Variants in CDC14A observed in about 807,000 individuals in gnomAD.
The protein encoded by CDC14A is dual specificity protein phosphatase CDC14A.
In CDC14A, 53 loss-of-function variants were observed where a neutral mutation model predicts 74.4. The ratio of observed to expected loss-of-function variants is 0.71; its 90% CI spans 0.57 to 0.89. The LOEUF (loss-of-function observed/expected upper bound fraction) is 0.89. Among genes scored for constraint, CDC14A ranks in the 40% least tolerant of loss-of-function variants. The pLI is 0.00. For synonymous variants in CDC14A, 247 were observed against 258.4 expected (o/e 0.96, Z 0.43); for missense variants, 646 against 713.7 (o/e 0.91, Z 1.08).
At chr1:100,493,847 G>A (rs1647369643) in intron 11 of CDC14A, among the ~76,000 whole-genome samples, 1 of 152,140 alleles carries the variant, frequency 6.6e-6, no homozygotes, top group Admixed American at 6.6e-5. Flanking sequence ...GGATTGAGGA[G>A]GTATTGCGAT....
upstream of CDC14A, among the ~76,000 whole-genome samples, chr1:100,351,470 GTTGT>G (rs1309734577): frequency 6.6e-6 from 1 of 152,254 alleles, no homozygotes; most frequent in Admixed American, 6.5e-5. Flanking sequence ...CAGCGTTCAA[GTTGT>G]TCAAACAGTA....
intron 7 of CDC14A, among the ~76,000 whole-genome samples, chr1:100,450,966 C>T (rs1280588684): frequency 6.6e-6 from 1 of 152,152 alleles, no homozygotes; most frequent in Non-Finnish European, 1.5e-5. Flanking sequence ...CTCTAATTCG[C>T]ATTCCTTCCC....
rs947695191 is a variant in CDC14A at position 100,386,982 on chromosome 1, G to A, written c.217-3750G>A. ...ATAGTATTTTTTAAGTGGGGGACAT[G>A]CTTAAAATTTGAGAGGAAAAAACAT... On this transcript the variant is annotated intron_variant, in intron 3 of 15. Coordinates refer to ENST00000336454, the MANE Select transcript of CDC14A (RefSeq NM_003672.4). Among the ~76,000 whole-genome samples the A allele has an allele frequency of 3.3e-5, 5 of 151,792 alleles. No homozygotes were observed. The South Asian group carries it at 1.0e-3, about 32-fold the overall frequency.
At chr1:100,495,456 A>G (rs1286028524) in intron 12 of CDC14A, among the ~76,000 whole-genome samples, 1 of 152,210 alleles carries the variant, frequency 6.6e-6, no homozygotes, top group Non-Finnish European at 1.5e-5. Flanking sequence ...ATGGGACTTG[A>G]CTTCTGATCA....
chr1:100,448,413 C>T (rs1001528363), intron 7 of CDC14A, among the ~76,000 whole-genome samples: 2 of 152,324 alleles, frequency 1.3e-5, no homozygotes, highest in South Asian at 2.1e-4. Context: ...ACTTCTTTAC[C>T]ATTGTCTTGA....
intron 2 of CDC14A, among the ~76,000 whole-genome samples, chr1:100,374,566 T>C (rs1436398644): frequency 6.6e-6 from 1 of 152,166 alleles, no homozygotes; most frequent in African/African-American, 2.4e-5. Flanking sequence ...TCTGTGTTCT[T>C]CTCATGAAGC....
chr1:100,376,733 G>T (rs561074202), intron 2 of CDC14A, among the ~76,000 whole-genome samples: 90 of 152,234 alleles, frequency 5.9e-4, no homozygotes, highest in African/African-American at 2.1e-3. Context: ...GATGAAGAGA[G>T]GGGGAGGAGC....
intron 4 of CDC14A, among the ~76,000 whole-genome samples, chr1:100,407,607 A>G (rs1289143555): frequency 6.6e-6 from 1 of 152,190 alleles, no homozygotes; most frequent in Non-Finnish European, 1.5e-5. Flanking sequence ...TTGGGCTGAG[A>G]TGATGGTGTC....
intron 4 of CDC14A, among the ~76,000 whole-genome samples, chr1:100,408,422 G>A (rs939780904): frequency 6.6e-6 from 1 of 152,080 alleles, no homozygotes; most frequent in Non-Finnish European, 1.5e-5. Context: ...TATTCCTTTA[G>A]GTATATACTC....
At chr1:100,495,213 C>G (rs1647603385) in intron 12 of CDC14A, among the ~76,000 whole-genome samples, 1 of 152,212 alleles carries the variant, frequency 6.6e-6, no homozygotes, top group Admixed American at 6.5e-5. Flanking sequence ...GATTTCTCCC[C>G]TTCTGCTGTG....
rs149072467 is a variant in CDC14A at position 100,406,137 on chromosome 1, G to A, written c.309+15313G>A. 8.6e-4 allele frequency among the ~76,000 whole-genome samples: 131 copies of A among 152,222 alleles called. 1 individual carries two copies. The East Asian group carries it at 0.012, about 14-fold the overall frequency. On this transcript the variant is annotated intron_variant, in intron 4 of 15. Transcript: ENST00000336454. ...CATTTCTCTAATGATCAGTGATGTT[G>A]AGCTTTTTTTCATATGTTTGTTGGC...
intron 4 of CDC14A, among the ~76,000 whole-genome samples, chr1:100,409,418 T>A (rs1250535643): frequency 6.6e-6 from 1 of 151,910 alleles, no homozygotes; most frequent in Non-Finnish European, 1.5e-5. Flanking sequence ...TCCCTCAGAG[T>A]CTTAACTCAT....
chr1:100,352,730 A>C lies in CDC14A; in HGVS notation c.-225A>C, dbSNP rs527644. ...AGGAGCGGCCACAGCCAGGGGCGTG[A>C]GCGCCCCGCGCGGAGCGAGCTCGGG... On this transcript the variant is annotated 5_prime_UTR_variant, in exon 1 of 16. Coordinates refer to ENST00000336454, the MANE Select transcript of CDC14A (RefSeq NM_003672.4). The C allele has an allele frequency of 7.2e-7, 1 of 1,390,928 alleles. No individual in the cohort carries two copies. Among genetic ancestry groups the C allele is most frequent in the Admixed American group, 3.1e-5 (1 of 32,086 alleles). The allele number at this position is 1,390,928 out of a possible 1,614,324, so 86.2% of individuals were successfully genotyped here.
At position 100,500,349 on chromosome 1, in the gene CDC14A, G is replaced by T. The variant is rs376580415; in HGVS notation, c.1755+1087G>T. 3.2e-4 allele frequency among the ~76,000 whole-genome samples: 49 copies of T among 152,284 alleles called. No individual in the cohort carries two copies. In the East Asian group the frequency reaches 8.3e-3, roughly 26 times the overall value. ...AGGGAGTGCCTGCTTCTGTAGAGAA[G>T]AGGGGAGGAGGAAAGGTGCTGGTGG... On this transcript the variant is annotated intron_variant, in intron 15 of 15. Coordinates refer to ENST00000336454, the MANE Select transcript of CDC14A (RefSeq NM_003672.4).
intron 8 of CDC14A, among the ~76,000 whole-genome samples, chr1:100,457,720 C>T (rs992814279): frequency 4.6e-5 from 7 of 151,708 alleles, no homozygotes; most frequent in African/African-American, 1.7e-4. Flanking sequence ...CCTCCTGCCT[C>T]CCAAAGCACT....
At chr1:100,379,170 C>T (rs573316185) in intron 3 of CDC14A, among the ~76,000 whole-genome samples, 67 of 152,226 alleles carry the variant, frequency 4.4e-4, no homozygotes, top group African/African-American at 1.5e-3. Context: ...TGGTCTGACT[C>T]AGTGTTCTAC....
chr1:100,439,006 G>A (rs908265320), intron 5 of CDC14A, among the ~76,000 whole-genome samples: 1 of 152,146 alleles, frequency 6.6e-6, no homozygotes, highest in Non-Finnish European at 1.5e-5. Flanking sequence ...TTCCTACCTC[G>A]GACACCTTGG....
intron 3 of CDC14A, among the ~76,000 whole-genome samples, chr1:100,380,495 T>C (rs1375074723): frequency 2.0e-5 from 3 of 152,230 alleles, no homozygotes; most frequent in Non-Finnish European, 4.4e-5. Flanking sequence ...AGGGCCATTC[T>C]GTCTGCTTCA....
rs576889441 is a variant in CDC14A at position 100,470,821 on chromosome 1, G to A, written c.977+2727G>A. Among the ~76,000 whole-genome samples the A allele has an allele frequency of 1.4e-3, 212 of 152,238 alleles. 2 individuals carry two copies. Among genetic ancestry groups the A allele is most frequent in the Admixed American group, 1.5e-3 (23 of 15,286 alleles). ...TACAAAATGCTGGCAAAGATATGGA[G>A]CAACTGGAACTCTCATGTGTTAACC... On this transcript the variant is annotated intron_variant, in intron 10 of 15. Coordinates refer to ENST00000336454, the MANE Select transcript of CDC14A (RefSeq NM_003672.4).
Sources: allele counts gnomAD v4.1 joint callset (sites outside exome capture counted in the v4.1 genomes callset), GRCh38; gene constraint gnomAD v4.1.1; transcripts MANE v1.5; gene names NCBI Gene and HGNC (gene_info 2026-07-23, HGNC 2026-07-21).